LINGO2: variants seen among roughly 807,000 people sequenced by gnomAD.
LINGO2 encodes the protein leucine rich repeat and Ig domain containing 2, also known as leucine-rich repeat and immunoglobulin-like domain-containing nogo receptor-interacting protein 2.
A neutral mutation model predicts 30.6 loss-of-function variants in LINGO2; 14 were observed. The observed-to-expected ratio is 0.46, with a 90% CI of 0.30 to 0.72. The LOEUF (loss-of-function observed/expected upper bound fraction) is 0.72, where lower values mean the gene tolerates loss of function less well. LINGO2 is among the 30% of genes least tolerant of loss of function. The pLI, the probability that LINGO2 is intolerant of heterozygous loss-of-function variation, is 0.07. For missense variants in LINGO2, 729 were observed against 751.7 expected (o/e 0.97, Z 0.35); for synonymous variants, 317 against 288.5 (o/e 1.10, Z -1.00).
At chr9:28,449,088 T>G (rs1005434847) in intron 2 of LINGO2, among the ~76,000 whole-genome samples, 3 of 144,996 alleles carry the variant, frequency 2.1e-5, no homozygotes, top group African/African-American at 7.5e-5. Context: ...GAAGGTAGAT[T>G]TTATTTGGTT....
At chr9:28,974,026 C>T in the LINGO2 span, among the ~76,000 whole-genome samples, 3,087 of 152,266 alleles carry the variant, frequency 0.02, 125 homozygotes, top group African/African-American at 0.071. Flanking sequence ...GGTGTGTAAA[C>T]TACTCTTATC....
chr9:29,080,930 T>C, the LINGO2 span, among the ~76,000 whole-genome samples: 1 of 152,024 alleles, frequency 6.6e-6, no homozygotes, highest in African/African-American at 2.4e-5. Context: ...TACTGTTGAT[T>C]TGGGGTGGAT....
intron 4 of LINGO2, among the ~76,000 whole-genome samples, chr9:28,092,264 C>T (rs939825568): frequency 1.3e-5 from 2 of 152,064 alleles, no homozygotes; most frequent in African/African-American, 2.4e-5. Flanking sequence ...TATTGTGGCA[C>T]TATTCACAAT....
At chr9:29,092,778 C>T in the LINGO2 span, among the ~76,000 whole-genome samples, 1 of 136,628 alleles carries the variant, frequency 7.3e-6, no homozygotes, top group Admixed American at 7.6e-5. Flanking sequence ...AATAGTGGCA[C>T]AGGCAGATCA....
At chr9:27,950,270 A>G (rs1406024033) in exon 6 of LINGO2, 1 of 1,613,934 alleles carries the variant, frequency 6.2e-7, no homozygotes, top group South Asian at 1.1e-5. Context: ...CACTAATGTC[A>G]AGCTTAGTGA....
chr9:29,111,408 C>G, the LINGO2 span, among the ~76,000 whole-genome samples: 1 of 152,106 alleles, frequency 6.6e-6, no homozygotes, highest in African/African-American at 2.4e-5. Context: ...AGTCTCTCCA[C>G]AAGTCCCTTC....
chr9:28,899,200 C>A, the LINGO2 span, among the ~76,000 whole-genome samples: 1 of 152,182 alleles, frequency 6.6e-6, no homozygotes, highest in African/African-American at 2.4e-5. Flanking sequence ...CCCAAACCCT[C>A]GGCAACACAG....
rs186591931 is a variant in LINGO2, at chr9:28,522,036, G to T, written c.-364-46011C>A. Among the ~76,000 whole-genome samples, 365 of 152,290 alleles carry T rather than the reference G, an allele frequency of 2.4e-3. 6 individuals carry two copies. The highest frequency in any genetic ancestry group is 7.3e-4 in the Non-Finnish European group (50 of 68,032). On this transcript the variant is annotated intron_variant, in intron 1 of 5. Transcript: ENST00000379992. ...ACTTCCAGCCTTCAGAACTGTGAGA[G>T]AATAAATTTCTATTTTTTAAGTTGC...
At chr9:28,674,643 A>G (rs1829148987), upstream of LINGO2, among the ~76,000 whole-genome samples, 1 of 152,156 alleles carries the variant, frequency 6.6e-6, no homozygotes, top group Non-Finnish European at 1.5e-5. Flanking sequence ...AACATATACT[A>G]TATGACATCT....
the LINGO2 span, among the ~76,000 whole-genome samples, chr9:29,149,648 G>C: frequency 6.6e-6 from 1 of 151,988 alleles, no homozygotes; most frequent in South Asian, 2.1e-4. Flanking sequence ...CTCCTTACGG[G>C]CCTCCAGGAT....
intron 4 of LINGO2, among the ~76,000 whole-genome samples, chr9:28,233,581 A>G (rs563219453): frequency 7.9e-5 from 12 of 152,348 alleles, no homozygotes; most frequent in African/African-American, 2.9e-4. Flanking sequence ...TCTTCAAAGT[A>G]ACTTCTTTTT....
At chr9:28,523,307 G>A (rs1269859147) in intron 1 of LINGO2, among the ~76,000 whole-genome samples, 14 of 151,538 alleles carry the variant, frequency 9.2e-5, no homozygotes, top group Admixed American at 9.2e-4. Context: ...AGAACAGAAG[G>A]GAACTTCTTC....
chr9:29,182,852 A>C, the LINGO2 span, among the ~76,000 whole-genome samples: 84 of 152,258 alleles, frequency 5.5e-4, no homozygotes, highest in African/African-American at 1.9e-3. Context: ...CATTCCTTCA[A>C]GGAAGTAGAT....
the LINGO2 span, among the ~76,000 whole-genome samples, chr9:29,065,594 T>G: frequency 3.3e-5 from 5 of 152,170 alleles, no homozygotes; most frequent in African/African-American, 1.2e-4. Flanking sequence ...TGTGGCTATA[T>G]TTCTTAACCT....
At chr9:29,121,986 C>A in the LINGO2 span, among the ~76,000 whole-genome samples, 1 of 151,834 alleles carries the variant, frequency 6.6e-6, no homozygotes. Context: ...AAGTAAGTAT[C>A]AGAAGAAAAA....
chr9:28,482,892 C>T (rs563104562), intron 1 of LINGO2, among the ~76,000 whole-genome samples: 23 of 152,022 alleles, frequency 1.5e-4, no homozygotes, highest in Non-Finnish European at 2.9e-4. Context: ...CATAAAAACC[C>T]TAGAAGAAAA....
chr9:28,611,300 A>T (rs1338392448), intron 1 of LINGO2, among the ~76,000 whole-genome samples: 1 of 152,164 alleles, frequency 6.6e-6, no homozygotes, highest in Non-Finnish European at 1.5e-5. Context: ...CTGTGAAATC[A>T]CTACCATAAT....
chr9:28,845,098 C>T, the LINGO2 span, among the ~76,000 whole-genome samples: 1 of 151,826 alleles, frequency 6.6e-6, no homozygotes, highest in Non-Finnish European at 1.5e-5. Context: ...AACAGGTCAG[C>T]CCAATGCATT....
At chr9:28,092,724 A>G (rs565727521) in intron 4 of LINGO2, among the ~76,000 whole-genome samples, 5 of 152,028 alleles carry the variant, frequency 3.3e-5, no homozygotes, top group African/African-American at 1.2e-4. Context: ...TAATAAAAAA[A>G]GTAATTAAAA....
Sources: gnomAD v4.1 joint callset for allele counts (sites outside exome capture counted in the v4.1 genomes callset) on GRCh38, gnomAD v4.1.1 for gene constraint, MANE v1.5 for transcripts, NCBI Gene and HGNC (gene_info 2026-07-23, HGNC 2026-07-21) for gene names.